Variants in CCDC172 observed in about 807,000 individuals in gnomAD.
CCDC172 encodes the protein coiled-coil domain containing 172.
Under a neutral mutation model 38.0 loss-of-function variants are expected in CCDC172, and 30 were observed. That is an observed-to-expected ratio of 0.79 (90% confidence interval 0.59 to 1.07). The LOEUF is 1.07. Ranked by LOEUF, CCDC172 falls within the 50% of genes least tolerant of loss-of-function variation. The probability of loss-of-function intolerance (pLI) is 0.00; values close to 1 mark genes in which losing one functional copy is unlikely to be tolerated. For missense variants in CCDC172, 297 were observed against 290.1 expected (o/e 1.02, Z -0.17); for synonymous variants, 78 against 88.3 (o/e 0.88, Z 0.66).
intron 5 of CCDC172, among the ~76,000 whole-genome samples, chr10:116,354,473 C>G (rs1844969573): frequency 6.6e-6 from 1 of 152,014 alleles, no homozygotes; most frequent in Non-Finnish European, 1.5e-5. Context: ...ACTGTAATCC[C>G]AGCACTTTGG....
At chr10:116,328,452 C>T (rs2134900521) in intron 3 of CCDC172, among the ~76,000 whole-genome samples, 1 of 152,158 alleles carries the variant, frequency 6.6e-6, no homozygotes, top group South Asian at 2.1e-4. Flanking sequence ...TTCTTTTAAA[C>T]ATCTAAAAGA....
chr10:116,344,572 A>C (rs1053803259), intron 5 of CCDC172, among the ~76,000 whole-genome samples: 2 of 152,178 alleles, frequency 1.3e-5, no homozygotes, highest in Non-Finnish European at 2.9e-5. Flanking sequence ...CAGTGAGTGA[A>C]TGGTGTGTGA....
intron 7 of CCDC172, among the ~76,000 whole-genome samples, chr10:116,359,537 G>A (rs1181061372): frequency 6.6e-6 from 1 of 152,076 alleles, no homozygotes; most frequent in East Asian, 1.9e-4. Context: ...ATGTTTAGTA[G>A]TAACCCTGTC....
intron 7 of CCDC172, among the ~76,000 whole-genome samples, chr10:116,359,585 G>A (rs1295125236): frequency 1.3e-5 from 2 of 152,062 alleles, no homozygotes; most frequent in Non-Finnish European, 2.9e-5. Context: ...TGCATTCACC[G>A]GTTGTGGCAA....
rs1844764424 is a variant in CCDC172 at position 116,339,126 on chromosome 10, T to C, written c.166-1608T>C. 2.0e-5 allele frequency among the ~76,000 whole-genome samples: 3 copies of C among 152,028 alleles called. No individual in the cohort carries two copies. In the South Asian group the frequency reaches 6.2e-4, roughly 31 times the overall value. On this transcript the variant is annotated intron_variant, in intron 3 of 8. Coordinates refer to ENST00000333254, the MANE Select transcript of CCDC172 (RefSeq NM_198515.3). ...TTTCCTTAAATGTTTATTAACCTTA[T>C]ATATTTTCAACTCACCATCACACCT...
chr10:116,332,282 A>G (rs1322579379), intron 3 of CCDC172, among the ~76,000 whole-genome samples: 1 of 152,028 alleles, frequency 6.6e-6, no homozygotes, highest in Non-Finnish European at 1.5e-5. Context: ...TTTATCTAGC[A>G]TTTCTCTTTG....
intron 4 of CCDC172, among the ~76,000 whole-genome samples, chr10:116,341,397 TAAAATTC>T (rs1844793064): frequency 6.6e-6 from 1 of 152,066 alleles, no homozygotes; most frequent in South Asian, 2.1e-4. Context: ...AAATGAGGCT[TAAAATTC>T]ATTGACATAG....
At chr10:116,330,114 A>T (rs1396444485) in intron 3 of CCDC172, among the ~76,000 whole-genome samples, 1 of 152,168 alleles carries the variant, frequency 6.6e-6, no homozygotes, top group Non-Finnish European at 1.5e-5. Context: ...GTTTGGCAAA[A>T]TTTTCTGAAA....
At chr10:116,351,987 A>G (rs1844935892) in intron 5 of CCDC172, among the ~76,000 whole-genome samples, 1 of 152,176 alleles carries the variant, frequency 6.6e-6, no homozygotes. Flanking sequence ...CTTTGGATGT[A>G]CTTGAACCTG....
intron 5 of CCDC172, among the ~76,000 whole-genome samples, chr10:116,343,521 T>G (rs993260993): frequency 7.3e-5 from 11 of 150,826 alleles, no homozygotes; most frequent in African/African-American, 2.5e-4. Flanking sequence ...ATTCGTTTTT[T>G]TTTTTTTTTT....
At chr10:116,346,018 C>T (rs1844862046) in intron 5 of CCDC172, among the ~76,000 whole-genome samples, 1 of 152,094 alleles carries the variant, frequency 6.6e-6, no homozygotes, top group Admixed American at 6.5e-5. Flanking sequence ...AAAAATTGAA[C>T]ATAACTTAAA....
chr10:116,362,047 G>A (rs753591673), intron 7 of CCDC172, among the ~76,000 whole-genome samples: 12 of 152,128 alleles, frequency 7.9e-5, no homozygotes, highest in South Asian at 4.2e-4. Flanking sequence ...AAAACTAGCC[G>A]GGCGTGGTGG....
chr10:116,372,598 T>C (rs1726381618), intron 7 of CCDC172, among the ~76,000 whole-genome samples: 1 of 152,160 alleles, frequency 6.6e-6, no homozygotes, highest in African/African-American at 2.4e-5. Flanking sequence ...TTTGAGATTA[T>C]ATTTGTTCAT....
intron 3 of CCDC172, among the ~76,000 whole-genome samples, chr10:116,337,968 T>C (rs969929177): frequency 9.2e-5 from 14 of 152,320 alleles, no homozygotes; most frequent in African/African-American, 3.4e-4. Flanking sequence ...AGGAACCATC[T>C]GAAACATTCT....
Position 116,379,383 on chromosome 10 carries a change from T to C in CCDC172, c.*25T>C. The stretch of plus-strand genomic sequence containing the variant: ...ACTTACAGAGAATTGATCAGCCATC[T>C]GAGATTTGATCAGAATATCTGAGAA... On this transcript the variant is annotated 3_prime_UTR_variant, in exon 9 of 9. Transcript: ENST00000333254. 1 of 1,530,328 alleles carries C rather than the reference T, an allele frequency of 6.5e-7. No homozygotes were observed. 94.8% of individuals were successfully genotyped at this position (1,530,328 alleles called of 1,614,324 possible).
intron 7 of CCDC172, 104 bp downstream of exon 7, chr10:116,358,042 A>G: frequency 1.5e-6 from 1 of 650,826 alleles, no homozygotes; most frequent in Admixed American, 3.1e-5. Context: ...GAAGTTCCAG[A>G]TGAGGACATT....
chr10:116,379,213 A>G (rs1308153568), intron 8 of CCDC172, 110 bp from the exon 9 acceptor site: 1 of 542,060 alleles, frequency 1.8e-6, no homozygotes, highest in Non-Finnish European at 3.1e-6. Context: ...TAAAAAATAT[A>G]ATTAAGAAAT....
chr10:116,333,455 G>A (rs1457577195), intron 3 of CCDC172, among the ~76,000 whole-genome samples: 1 of 152,078 alleles, frequency 6.6e-6, no homozygotes, highest in Non-Finnish European at 1.5e-5. Flanking sequence ...TGAGGAAGAT[G>A]TATGTTTTAA....
At chr10:116,334,865 A>G (rs1844710047) in intron 3 of CCDC172, among the ~76,000 whole-genome samples, 1 of 152,124 alleles carries the variant, frequency 6.6e-6, no homozygotes, top group Non-Finnish European at 1.5e-5. Flanking sequence ...ATTAATATGT[A>G]TTACAAATAT....
Sources: allele counts gnomAD v4.1 joint callset (sites outside exome capture counted in the v4.1 genomes callset), GRCh38; gene constraint gnomAD v4.1.1; transcripts MANE v1.5; gene names NCBI Gene and HGNC (gene_info 2026-07-23, HGNC 2026-07-21).